TMPRSS7: variants seen among roughly 807,000 people sequenced by gnomAD.
The protein encoded by TMPRSS7 is transmembrane serine protease 7.
Under a neutral mutation model 95.6 loss-of-function variants are expected in TMPRSS7, and 81 were observed. The ratio of observed to expected loss-of-function variants is 0.85; its 90% CI spans 0.71 to 1.02. TMPRSS7 has a LOEUF of 1.02. Among genes scored for constraint, TMPRSS7 ranks in the 50% least tolerant of loss-of-function variants. The probability of loss-of-function intolerance (pLI) is 0.00; values close to 1 mark genes in which losing one functional copy is unlikely to be tolerated. For synonymous variants in TMPRSS7, 364 were observed against 337.8 expected (o/e 1.08, Z -0.85); for missense variants, 945 against 955.2 (o/e 0.99, Z 0.14).
chr3:112,072,800 T>C (rs181271728), intron 13 of TMPRSS7, among the ~76,000 whole-genome samples: 96 of 152,378 alleles, frequency 6.3e-4, no homozygotes, highest in Non-Finnish European at 1.0e-3. Context: ...CACATTTGCT[T>C]AATCCAGTCT....
intron 3 of TMPRSS7, chr3:112,042,877 G>A: frequency 2.6e-6 from 1 of 387,830 alleles, no homozygotes; most frequent in Non-Finnish European, 5.3e-6. Flanking sequence ...ATGGCTCTTG[G>A]CACATATTAC....
At chr3:112,047,349 T>C in intron 6 of TMPRSS7, 4 of 584,262 alleles carry the variant, frequency 6.8e-6, no homozygotes, top group South Asian at 4.6e-5. Context: ...ACTTATAATT[T>C]ATCATTTTCT....
chr3:112,074,002 A>G (rs572207017), intron 13 of TMPRSS7, among the ~76,000 whole-genome samples: 7 of 152,348 alleles, frequency 4.6e-5, no homozygotes, highest in African/African-American at 1.7e-4. Flanking sequence ...GCTGCAGCCT[A>G]AAGCCACTGA....
intron 1 of TMPRSS7, among the ~76,000 whole-genome samples, chr3:112,035,490 AT>A (rs537496234): frequency 3.1e-3 from 465 of 152,314 alleles, no homozygotes; most frequent in Non-Finnish European, 5.7e-3. Context: ...GTGGCCACGT[AT>A]TATCCCATTA....
At chr3:112,071,694 T>C (rs1399415120) in intron 13 of TMPRSS7, among the ~76,000 whole-genome samples, 3 of 152,226 alleles carry the variant, frequency 2.0e-5, no homozygotes, top group Non-Finnish European at 4.4e-5. Context: ...ATTTCATTAA[T>C]TTGATCTTCA....
At chr3:112,036,566 CAAA>C (rs1303902803) in intron 1 of TMPRSS7, among the ~76,000 whole-genome samples, 1 of 124,710 alleles carries the variant, frequency 8.0e-6, no homozygotes. Flanking sequence ...AAAACTCTGT[CAAA>C]AAAAAAAAAA....
intron 16 of TMPRSS7, among the ~76,000 whole-genome samples, chr3:112,077,497 A>G (rs1430684741): frequency 6.6e-6 from 1 of 152,194 alleles, no homozygotes; most frequent in Non-Finnish European, 1.5e-5. Flanking sequence ...TCATTTATAA[A>G]GGAGAGAAGG....
chr3:112,036,552 G>A (rs549915126), intron 1 of TMPRSS7, among the ~76,000 whole-genome samples: 6 of 148,304 alleles, frequency 4.0e-5, no homozygotes, highest in Non-Finnish European at 7.4e-5. Flanking sequence ...TGGTCAATAA[G>A]AGCAAAACTC....
At position 112,045,892 on chromosome 3, in the gene TMPRSS7, G is replaced by T. The variant is rs1199554182; in HGVS notation, c.640G>T (p.Val214Leu). The T allele has an allele frequency of 1.2e-5, 18 of 1,551,924 alleles. No homozygotes were observed. The East Asian group carries it at 4.4e-4, about 38-fold the overall frequency. ...GACAAGCATCATAAACCGGACCTCT[G>T]TGGGGAGCTTGCAGGGACTGGCTGT... Residue 214 changes from valine (V) to leucine (L), a missense_variant, in exon 5 of 18, where the codon GTG becomes TTG. By Grantham distance (32) the Val-to-Leu change is conservative. Transcript: ENST00000452346.
intron 8 of TMPRSS7, 136 bp from the exon 9 acceptor site, chr3:112,050,535 A>AAAC (rs1324165559): frequency 7.8e-6 from 3 of 384,066 alleles, no homozygotes; most frequent in Non-Finnish European, 1.4e-5. Flanking sequence ...AAAAAAAAAA[A>AAAC]AAACCCAAAG....
At chr3:112,055,114 C>A (rs188065521) in intron 9 of TMPRSS7, among the ~76,000 whole-genome samples, 1 of 151,994 alleles carries the variant, frequency 6.6e-6, no homozygotes, top group Non-Finnish European at 1.5e-5. Context: ...TTCTTATGAG[C>A]CCTGGGTTTT....
At chr3:112,071,408 C>A (rs1427813136) in intron 13 of TMPRSS7, among the ~76,000 whole-genome samples, 4 of 152,172 alleles carry the variant, frequency 2.6e-5, no homozygotes, top group Non-Finnish European at 5.9e-5. Context: ...CTTGGCAAAT[C>A]TGACAATTAT....
intron 9 of TMPRSS7, among the ~76,000 whole-genome samples, chr3:112,051,561 ATCTATG>A: frequency 3.4e-5 from 5 of 146,234 alleles, no homozygotes; most frequent in Admixed American, 1.3e-4. Flanking sequence ...CTATCTATCT[ATCTATG>A]TATCTATCTA....
chr3:112,050,058 GTAATATTCA>G, intron 8 of TMPRSS7, 84 bp downstream of exon 8: 1 of 1,351,110 alleles, frequency 7.4e-7, no homozygotes, highest in Admixed American at 2.4e-5. Context: ...AAGCTGTGTT[GTAATATTCA>G]TTGTATTAGT....
chr3:112,070,459 G>A (rs1443741337), intron 13 of TMPRSS7, among the ~76,000 whole-genome samples: 2 of 152,190 alleles, frequency 1.3e-5, no homozygotes, highest in Admixed American at 6.5e-5. Flanking sequence ...TTGTGTGGGA[G>A]TCTAAGTCTC....
At chr3:112,038,429 T>A (rs1489961430) in intron 2 of TMPRSS7, 108 bp downstream of exon 2, 1 of 612,218 alleles carries the variant, frequency 1.6e-6, no homozygotes, top group East Asian at 2.7e-5. Flanking sequence ...ATTTTCCTTT[T>A]TCCAATATGG....
At chr3:112,054,216 C>G (rs895198793) in intron 9 of TMPRSS7, among the ~76,000 whole-genome samples, 1 of 152,182 alleles carries the variant, frequency 6.6e-6, no homozygotes, top group Non-Finnish European at 1.5e-5. Context: ...AAAGATGAAG[C>G]CTCCTGCATC....
intron 9 of TMPRSS7, among the ~76,000 whole-genome samples, chr3:112,054,520 T>C (rs1368507551): frequency 6.6e-6 from 1 of 152,170 alleles, no homozygotes. Context: ...GTTAGTGGAA[T>C]CAGTGTGCAA....
intron 5 of TMPRSS7, among the ~76,000 whole-genome samples, chr3:112,046,217 A>G (rs1277160568): frequency 6.6e-6 from 1 of 152,240 alleles, no homozygotes; most frequent in Non-Finnish European, 1.5e-5. Flanking sequence ...GTCATGCATC[A>G]TCAAACTAAG....
Sources: allele counts gnomAD v4.1 joint callset (sites outside exome capture counted in the v4.1 genomes callset), GRCh38; gene constraint gnomAD v4.1.1; transcripts MANE v1.5; gene names NCBI Gene and HGNC (gene_info 2026-07-23, HGNC 2026-07-21).